The following RBFOX1 variants were observed in gnomAD, a reference collection of about 807,000 sequenced individuals.
RBFOX1 encodes RNA binding fox-1 homolog 1.
RBFOX1 carries 8 observed loss-of-function variants against 57.7 expected under a neutral mutation model. The observed-to-expected ratio is 0.14, with a 90% confidence interval of 0.08 to 0.25. The LOEUF (loss-of-function observed/expected upper bound fraction) is 0.25, where lower values mean the gene tolerates loss of function less well. Ranked by LOEUF, RBFOX1 falls within the 10% of genes least tolerant of loss-of-function variation. The pLI, the probability that RBFOX1 is intolerant of heterozygous loss-of-function variation, is 1.00. For synonymous variants in RBFOX1, 326 were observed against 222.4 expected (o/e 1.47, Z -4.15); for missense variants, 611 against 548.5 (o/e 1.11, Z -1.14).
intron 1 of RBFOX1, among the ~76,000 whole-genome samples, chr16:5,269,700 G>A (rs2062957021): frequency 6.6e-6 from 1 of 152,214 alleles, no homozygotes; most frequent in Non-Finnish European, 1.5e-5. Flanking sequence ...GGGGGTGTTA[G>A]CTAAAGGGTA....
intron 3 of RBFOX1, among the ~76,000 whole-genome samples, chr16:6,940,593 T>C (rs1217539823): frequency 6.6e-6 from 1 of 152,100 alleles, no homozygotes; most frequent in Non-Finnish European, 1.5e-5. Context: ...AGGGGTCTTA[T>C]TTGTACACTT....
intron 1 of RBFOX1, among the ~76,000 whole-genome samples, chr16:6,255,074 T>G (rs1040358712): frequency 5.9e-5 from 9 of 152,292 alleles, no homozygotes; most frequent in African/African-American, 2.2e-4. Flanking sequence ...GCATCACATA[T>G]GTCCGCGGAC....
chr16:6,957,963 T>A (rs2082215912), intron 3 of RBFOX1, among the ~76,000 whole-genome samples: 1 of 152,052 alleles, frequency 6.6e-6, no homozygotes, highest in South Asian at 2.1e-4. Flanking sequence ...TCCAGCATAT[T>A]CTCTTGGTTA....
At chr16:7,546,278 G>C (rs1194723106) in intron 5 of RBFOX1, among the ~76,000 whole-genome samples, 1 of 151,884 alleles carries the variant, frequency 6.6e-6, no homozygotes, top group Non-Finnish European at 1.5e-5. Context: ...AGTGAGCTGA[G>C]ATCACACCAC....
chr16:7,328,496 A>AAAAAAAAAAAAT, intron 4 of RBFOX1, among the ~76,000 whole-genome samples: 1 of 151,248 alleles, frequency 6.6e-6, no homozygotes. Flanking sequence ...AAAAAAAAAA[A>AAAAAAAAAAAAT]AAAAGAAGAC....
intron 4 of RBFOX1, among the ~76,000 whole-genome samples, chr16:7,291,149 G>A (rs1433832594): frequency 6.6e-6 from 1 of 152,180 alleles, no homozygotes; most frequent in East Asian, 1.9e-4. Flanking sequence ...TGGACAGAGG[G>A]AGATATGTAG....
chr16:5,941,996 G>C (rs1567172189), intron 4 of RBFOX1, among the ~76,000 whole-genome samples: 1 of 151,562 alleles, frequency 6.6e-6, no homozygotes. Flanking sequence ...ACTGAAACCT[G>C]AGTGGAGGAA....
At chr16:6,053,845 C>T (rs1420189094) in intron 1 of RBFOX1, among the ~76,000 whole-genome samples, 8 of 151,972 alleles carry the variant, frequency 5.3e-5, no homozygotes, top group Admixed American at 2.0e-4. Context: ...ATCGCTTGAG[C>T]ACAGGAGTTC....
intron 2 of RBFOX1, among the ~76,000 whole-genome samples, chr16:5,520,904 C>G (rs2043986479): frequency 1.3e-5 from 2 of 152,144 alleles, no homozygotes; most frequent in South Asian, 4.1e-4. Context: ...GGGGTCTGCT[C>G]CTTCATTCTG....
chr16:6,562,452 A>G (rs2097190894), intron 2 of RBFOX1, among the ~76,000 whole-genome samples: 1 of 152,250 alleles, frequency 6.6e-6, no homozygotes, highest in Admixed American at 6.5e-5. Flanking sequence ...ATCACTGTGG[A>G]AATTCAGCTG....
intron 1 of RBFOX1, among the ~76,000 whole-genome samples, chr16:5,395,356 C>T (rs987512954): frequency 6.6e-6 from 1 of 152,132 alleles, no homozygotes; most frequent in Non-Finnish European, 1.5e-5. Context: ...TTTGTTTTTG[C>T]CTCTGTTGTA....
chr16:5,725,483 A>G (rs1379770951), intron 3 of RBFOX1, among the ~76,000 whole-genome samples: 3 of 151,728 alleles, frequency 2.0e-5, no homozygotes, highest in African/African-American at 2.4e-5. Flanking sequence ...GTCTTGTCTC[A>G]AACTTAACAG....
intron 1 of RBFOX1, among the ~76,000 whole-genome samples, chr16:6,219,534 G>T (rs1280680893): frequency 6.6e-6 from 1 of 152,144 alleles, no homozygotes; most frequent in Non-Finnish European, 1.5e-5. Context: ...ATTATTGTAT[G>T]GAGTGAACTC....
intron 3 of RBFOX1, among the ~76,000 whole-genome samples, chr16:6,969,475 C>T (rs994246340): frequency 1.3e-5 from 2 of 151,970 alleles, no homozygotes; most frequent in East Asian, 3.9e-4. Flanking sequence ...TGGCTCATGC[C>T]TGTAATCCCA....
intron 6 of RBFOX1, among the ~76,000 whole-genome samples, chr16:7,586,001 C>G (rs1465216698): frequency 6.6e-6 from 1 of 151,988 alleles, no homozygotes; most frequent in Admixed American, 6.6e-5. Flanking sequence ...GAATACAAAA[C>G]CTCTGGGGGT....
intron 3 of RBFOX1, among the ~76,000 whole-genome samples, chr16:6,960,518 C>T (rs1598427221): frequency 6.6e-6 from 1 of 152,078 alleles, no homozygotes; most frequent in East Asian, 1.9e-4. Flanking sequence ...TCAGTTTGGT[C>T]TGGGAACAAC....
intron 4 of RBFOX1, among the ~76,000 whole-genome samples, chr16:7,491,713 C>G (rs951585309): frequency 4.6e-5 from 7 of 152,156 alleles, no homozygotes; most frequent in African/African-American, 1.7e-4. Context: ...TCACAGCAGC[C>G]TCAAACTCCT....
intron 4 of RBFOX1, among the ~76,000 whole-genome samples, chr16:7,308,092 A>G (rs2096233581): frequency 6.6e-6 from 1 of 152,170 alleles, no homozygotes; most frequent in Admixed American, 6.5e-5. Flanking sequence ...TGTTTTCCTG[A>G]TAGAGAAGAA....
chr16:6,571,913 C>G (rs1312619895), intron 2 of RBFOX1, among the ~76,000 whole-genome samples: 1 of 151,710 alleles, frequency 6.6e-6, no homozygotes, highest in Non-Finnish European at 1.5e-5. Context: ...TGATTAATTA[C>G]TTTTATTACA....
Sources: allele counts gnomAD v4.1 joint callset (sites outside exome capture counted in the v4.1 genomes callset), GRCh38; gene constraint gnomAD v4.1.1; transcripts MANE v1.5; gene names NCBI Gene and HGNC (gene_info 2026-07-23, HGNC 2026-07-21).